BCL2L13: variants seen among roughly 807,000 people sequenced by gnomAD.
BCL2L13 encodes BCL2 like 13, also known as bcl-2-like protein 13.
In BCL2L13, 13 loss-of-function variants were observed where a neutral mutation model predicts 25.8. The ratio of observed to expected loss-of-function variants is 0.50; its 90% CI spans 0.33 to 0.80. BCL2L13 has a LOEUF of 0.80. Among genes scored for constraint, BCL2L13 ranks in the 30% least tolerant of loss-of-function variants. The pLI, the probability that BCL2L13 is intolerant of heterozygous loss-of-function variation, is 0.02. For missense variants in BCL2L13, 504 were observed against 574.9 expected, an observed-to-expected ratio of 0.88 and a Z score of 1.26; for synonymous variants, 244 against 230.3, an observed-to-expected ratio of 1.06 and a Z score of -0.54.
In BCL2L13 at chr22:17,650,350, C is replaced by T. The variant is rs140464243; in HGVS notation, c.-50-5312C>T. 3.7e-3 allele frequency among the ~76,000 whole-genome samples: 565 copies of T among 152,226 alleles called. 4 individuals carry two copies. Among genetic ancestry groups the T allele is most frequent in the Non-Finnish European group, 6.1e-3 (416 of 68,006 alleles). On this transcript the variant is annotated intron_variant, in intron 1 of 6. Coordinates refer to ENST00000317582, the MANE Select transcript of BCL2L13 (RefSeq NM_015367.4). Reference sequence around the variant, plus strand: ...TTCCAGCTTCTCATCTTTTGACTACCCCTTAAATGTTAGTGGATTCTAATG... The same window carrying T: ...TTCCAGCTTCTCATCTTTTGACTACTCCTTAAATGTTAGTGGATTCTAATG...
chr22:17,682,964 C>T (rs557425033), intron 2 of BCL2L13, among the ~76,000 whole-genome samples: 1 of 152,142 alleles, frequency 6.6e-6, no homozygotes, highest in East Asian at 1.9e-4. Context: ...AAACCTGTCT[C>T]TACTAAAAAT....
At chr22:17,713,220 C>CT (rs1291361752) in intron 6 of BCL2L13, among the ~76,000 whole-genome samples, 1 of 152,120 alleles carries the variant, frequency 6.6e-6, no homozygotes, top group Non-Finnish European at 1.5e-5. Context: ...TTATAATAAT[C>CT]TTACATTTCT....
At chr22:17,638,734 C>T (rs1325079677), upstream of BCL2L13, 4 of 1,231,610 alleles carry the variant, frequency 3.2e-6, no homozygotes, top group Non-Finnish European at 2.0e-6. Flanking sequence ...CCGGCCGTGA[C>T]GAAGGCACGC....
chr22:17,675,512 T>G (rs1031770970), intron 2 of BCL2L13, among the ~76,000 whole-genome samples: 8 of 152,224 alleles, frequency 5.3e-5, no homozygotes, highest in African/African-American at 1.7e-4. Context: ...AGCCTGGTTG[T>G]TATTTCTGTT....
In BCL2L13 at chr22:17,680,215, C is replaced by CAAAAAA. The variant is rs71201867; in HGVS notation, c.122-2990_122-2985dup. Among the ~76,000 whole-genome samples, 7 of 67,058 alleles carry CAAAAAA rather than the reference C, an allele frequency of 1.0e-4. 1 individual carries two copies. Among genetic ancestry groups the CAAAAAA allele is most frequent in the Non-Finnish European group, 1.9e-4 (7 of 36,130 alleles). 44.0% of individuals were successfully genotyped at this position (67,058 alleles called of 152,430 possible). ...GGGCAGCAAGGGCGTAACTCTCTCT[C>CAAAAAA]AAAAAAAAAAAAAAGCTGGGCACGG... is the stretch of plus-strand genomic sequence containing the variant. On this transcript the variant is annotated intron_variant, in intron 2 of 6. Transcript: ENST00000317582.
At chr22:17,708,140 TC>T (rs1355416623) in intron 6 of BCL2L13, among the ~76,000 whole-genome samples, 10 of 152,168 alleles carry the variant, frequency 6.6e-5, no homozygotes, top group Admixed American at 3.3e-4. Flanking sequence ...ATTCCTTTTA[TC>T]TACTTAGGTT....
At chr22:17,683,844 CATTATT>C (rs57407987) in intron 3 of BCL2L13, among the ~76,000 whole-genome samples, 3,494 of 144,376 alleles carry the variant, frequency 0.024, 137 homozygotes, top group Admixed American at 0.11. Context: ...TCAGTCATTC[CATTATT>C]ATTATTATTA....
Position 17,648,318 on chromosome 22 carries a change from A to C in BCL2L13, c.-50-7344A>C, listed in dbSNP as rs151106899. On this transcript the variant is annotated intron_variant, in intron 1 of 6. Transcript: ENST00000317582. Reference sequence around the variant, plus strand: ...AATATAAATGTGCTAGTTACATAATAGTGTTCTTGGGATCTGACTTTTCCC... The same window carrying C: ...AATATAAATGTGCTAGTTACATAATCGTGTTCTTGGGATCTGACTTTTCCC... Among the ~76,000 whole-genome samples the C allele has an allele frequency of 1.2e-3, 190 of 152,178 alleles. 5 individuals are homozygous for C. The East Asian group carries it at 0.033, about 26-fold the overall frequency.
intron 6 of BCL2L13, chr22:17,706,832 C>T: frequency 7.4e-7 from 1 of 1,351,830 alleles, no homozygotes; most frequent in Non-Finnish European, 9.8e-7. Flanking sequence ...TGTGGTAAGG[C>T]TTGTATTTTA....
chr22:17,668,778 G>A (rs1024017285), intron 2 of BCL2L13, among the ~76,000 whole-genome samples: 18 of 152,034 alleles, frequency 1.2e-4, no homozygotes, highest in African/African-American at 3.9e-4. Flanking sequence ...TCTGTTTTGA[G>A]TTAATTTTTA....
intron 6 of BCL2L13, among the ~76,000 whole-genome samples, chr22:17,714,099 C>T (rs932813044): frequency 6.6e-6 from 1 of 151,890 alleles, no homozygotes; most frequent in African/African-American, 2.4e-5. Flanking sequence ...CGAGACCATC[C>T]TGGCTAACAT....
chr22:17,671,146 A>G (rs2587064), intron 2 of BCL2L13, among the ~76,000 whole-genome samples: 20,953 of 137,634 alleles, frequency 0.15, 1,882 homozygotes, highest in Non-Finnish European at 0.22. Flanking sequence ...TGTAATGCCA[A>G]CACTTTGGGA....
chr22:17,655,862 T>C, intron 2 of BCL2L13, 30 bp downstream of exon 2: 1 of 1,585,634 alleles, frequency 6.3e-7, no homozygotes, highest in Non-Finnish European at 8.6e-7. Context: ...GTGGTTATAG[T>C]AAATTGTAAT....
At chr22:17,724,843 C>T (rs1387380823) in intron 6 of BCL2L13, among the ~76,000 whole-genome samples, 1 of 152,164 alleles carries the variant, frequency 6.6e-6, no homozygotes, top group East Asian at 1.9e-4. Flanking sequence ...GGTTCTCTTC[C>T]TGTCCTTTTA....
upstream of BCL2L13, among the ~76,000 whole-genome samples, chr22:17,634,519 T>C (rs1485540023): frequency 6.6e-6 from 1 of 152,236 alleles, no homozygotes; most frequent in East Asian, 1.9e-4. Context: ...TACTTTTTTC[T>C]GTTTCAATGT....
intron 2 of BCL2L13, among the ~76,000 whole-genome samples, chr22:17,672,719 T>G (rs941813336): frequency 3.9e-5 from 6 of 152,212 alleles, no homozygotes; most frequent in Non-Finnish European, 5.9e-5. Flanking sequence ...GTATGACAAC[T>G]TGTCATGTGT....
chr22:17,713,832 G>A (rs1431969536), intron 6 of BCL2L13, among the ~76,000 whole-genome samples: 2 of 151,732 alleles, frequency 1.3e-5, no homozygotes, highest in Non-Finnish European at 2.9e-5. Flanking sequence ...CATAAGTTGG[G>A]GACTGTCTAT....
upstream of BCL2L13, among the ~76,000 whole-genome samples, chr22:17,636,152 C>T (rs188928951): frequency 4.0e-5 from 6 of 150,900 alleles, no homozygotes; most frequent in African/African-American, 9.7e-5. Context: ...ACTGAAACCC[C>T]GTCTCTACTA....
At chr22:17,672,988 T>C (rs2059461172) in intron 2 of BCL2L13, among the ~76,000 whole-genome samples, 1 of 152,212 alleles carries the variant, frequency 6.6e-6, no homozygotes, top group Non-Finnish European at 1.5e-5. Flanking sequence ...TCAAAAATTA[T>C]AGTCGTATGT....
Sources: gnomAD v4.1 joint callset for allele counts (sites outside exome capture counted in the v4.1 genomes callset) on GRCh38, gnomAD v4.1.1 for gene constraint, MANE v1.5 for transcripts, NCBI Gene and HGNC (gene_info 2026-07-23, HGNC 2026-07-21) for gene names.